Variants in DOCK7 observed in about 807,000 individuals in gnomAD.
DOCK7 encodes dedicator of cytokinesis 7.
A neutral mutation model predicts 271.0 loss-of-function variants in DOCK7; 138 were observed. The ratio of observed to expected loss-of-function variants is 0.51; its 90% CI spans 0.44 to 0.59. DOCK7 has a LOEUF of 0.59. Among genes scored for constraint, DOCK7 ranks in the 20% least tolerant of loss-of-function variants. The probability of loss-of-function intolerance (pLI) is 0.00; values close to 1 mark genes in which losing one functional copy is unlikely to be tolerated. For synonymous variants in DOCK7, 823 were observed against 876.1 expected (o/e 0.94, Z 1.07); for missense variants, 2,066 against 2,592.4 (o/e 0.80, Z 4.41).
In DOCK7 at chr1:62,648,447, C is replaced by T; in HGVS notation, c.487G>A (p.Ala163Thr). The T allele has an allele frequency of 6.5e-7, 1 of 1,549,902 alleles. No homozygotes were observed. Among genetic ancestry groups the T allele is most frequent in the Non-Finnish European group, 8.7e-7 (1 of 1,146,514 alleles). ...TCCTGGTAGCTGTTGCCATCTGGAG[C>T]TTCATCAGATTCAAAAACTTGTTTT... Reference protein sequence around the residue: ...LPKQVFESDEAPDGNSYQDDQ... With the variant: ...LPKQVFESDETPDGNSYQDDQ... Residue 163 changes from alanine to threonine, a missense_variant, in exon 5 of 50, where the codon GCT (alanine) becomes ACT (threonine). Around this residue, in one of 2 missense-constraint regions of DOCK7, gnomAD observed 1,414 missense variants for 1,670.4 expected, o/e 0.85. Transcript: ENST00000635253.
chr1:62,500,017 T>C (rs934153762), intron 37 of DOCK7, among the ~76,000 whole-genome samples: 1 of 151,600 alleles, frequency 6.6e-6, no homozygotes, highest in Non-Finnish European at 1.5e-5. Context: ...TTAGGCAAGA[T>C]GTGCCTGCAA....
intron 22 of DOCK7, among the ~76,000 whole-genome samples, chr1:62,546,661 C>T (rs1400225961): frequency 1.3e-5 from 2 of 151,902 alleles, no homozygotes; most frequent in Non-Finnish European, 2.9e-5. Flanking sequence ...TAAAAATTTC[C>T]CATACATATT....
chr1:62,665,560 C>T (rs965184399), intron 1 of DOCK7, among the ~76,000 whole-genome samples: 1 of 151,502 alleles, frequency 6.6e-6, no homozygotes, highest in East Asian at 2.0e-4. Context: ...AAAAATTAGC[C>T]AGGCGTGGTG....
At chr1:62,602,427 T>A (rs755058197) in intron 14 of DOCK7, 1 of 1,538,372 alleles carries the variant, frequency 6.5e-7, no homozygotes. Context: ...AATCTACAAA[T>A]ATTTACTGAG....
chr1:62,611,730 G>GA (rs1279416249), intron 14 of DOCK7, among the ~76,000 whole-genome samples: 8 of 150,666 alleles, frequency 5.3e-5, no homozygotes. Flanking sequence ...AATATTTTAG[G>GA]AAAAAAAATT....
intron 14 of DOCK7, among the ~76,000 whole-genome samples, chr1:62,614,367 T>C (rs1369678157): frequency 6.6e-6 from 1 of 152,036 alleles, no homozygotes; most frequent in Non-Finnish European, 1.5e-5. Context: ...TTCCTAAACA[T>C]ATAAGCTGTC....
At chr1:62,459,492 C>T (rs1335703764) in intron 48 of DOCK7, among the ~76,000 whole-genome samples, 1 of 151,986 alleles carries the variant, frequency 6.6e-6, no homozygotes, top group Non-Finnish European at 1.5e-5. Flanking sequence ...CTGCCTACCT[C>T]AGCCATCGAA....
intron 1 of DOCK7, among the ~76,000 whole-genome samples, chr1:62,681,475 GTATACA>G (rs1416013693): frequency 3.3e-5 from 5 of 150,296 alleles, no homozygotes; most frequent in African/African-American, 1.2e-4. Context: ...CATGGCGCAT[GTATACA>G]TATGTAACAA....
chr1:62,552,396 T>C (rs1335869923), intron 22 of DOCK7, among the ~76,000 whole-genome samples: 2 of 152,154 alleles, frequency 1.3e-5, no homozygotes, highest in Non-Finnish European at 2.9e-5. Flanking sequence ...AATGATGACA[T>C]CTCTCTTCTA....
At chr1:62,625,575 T>C (rs1214572890) in intron 11 of DOCK7, among the ~76,000 whole-genome samples, 174 bp from the exon 12 acceptor site, 2 of 152,214 alleles carry the variant, frequency 1.3e-5, no homozygotes, top group Non-Finnish European at 2.9e-5. Flanking sequence ...CTAAATCTTC[T>C]GGTTGTCTTT....
chr1:62,584,983 C>A, intron 15 of DOCK7: 1 of 540,294 alleles, frequency 1.9e-6, no homozygotes, highest in Non-Finnish European at 3.4e-6. Context: ...TGCTCAAATT[C>A]ATATGGCAAC....
chr1:62,682,443 T>C (rs191115602), intron 1 of DOCK7, among the ~76,000 whole-genome samples: 1 of 152,204 alleles, frequency 6.6e-6, no homozygotes, highest in East Asian at 1.9e-4. Flanking sequence ...GGGATCTGTG[T>C]GAAGCACTGG....
chr1:62,492,622 T>A (rs1211974743), intron 41 of DOCK7, 82 bp downstream of exon 41: 1 of 1,556,442 alleles, frequency 6.4e-7, no homozygotes, highest in African/African-American at 1.4e-5. Flanking sequence ...AGTAGGGTCA[T>A]AAGCCAGAGA....
At chr1:62,567,388 T>C (rs564216402) in intron 18 of DOCK7, among the ~76,000 whole-genome samples, 1 of 152,294 alleles carries the variant, frequency 6.6e-6, no homozygotes, top group South Asian at 2.1e-4. Flanking sequence ...TGAGTTCATG[T>C]CCTTTGCAGG....
chr1:62,650,296 T>C (rs1243625566), intron 4 of DOCK7, among the ~76,000 whole-genome samples: 1 of 152,154 alleles, frequency 6.6e-6, no homozygotes, highest in Non-Finnish European at 1.5e-5. Flanking sequence ...TTCACTGCTG[T>C]ATCATCAGTC....
At chr1:62,656,866 A>C (rs1378281630) in intron 2 of DOCK7, among the ~76,000 whole-genome samples, 1 of 152,154 alleles carries the variant, frequency 6.6e-6, no homozygotes, top group Non-Finnish European at 1.5e-5. Context: ...GACAAAACAA[A>C]AAACATTTAG....
chr1:62,619,921 G>T lies in DOCK7; in HGVS notation c.1498C>A (p.Arg500=). 6.2e-7 allele frequency: 1 copy of T among 1,612,618 alleles called. No individual in the cohort carries two copies. The highest frequency in any genetic ancestry group is 1.1e-5 in the South Asian group (1 of 90,928). The change falls in exon 13 of 50, where the codon CGG becomes AGG. Residue 500 remains arginine (R), a synonymous_variant. Transcript: ENST00000635253. ...ADMRRPSSVL[R]RLRPITAQLK... ...ATACCTGTAATAGGTCTTAGTCGCC[G>T]TAAGACAGAAGATGGCCTTCTCATA...
chr1:62,487,893 A>AAG (rs1646343748), intron 42 of DOCK7: 2 of 152,876 alleles, frequency 1.3e-5, no homozygotes, highest in Non-Finnish European at 2.9e-5. Flanking sequence ...GTATATATAC[A>AAG]ACTGATTATT....
In DOCK7 at chr1:62,581,731, G is replaced by A. The variant is rs960126662; in HGVS notation, c.1871+1453C>T. Among the ~76,000 whole-genome samples, 4 of 151,838 alleles carry A rather than the reference G, an allele frequency of 2.6e-5. No individual in the cohort carries two copies. In the East Asian group the frequency reaches 5.8e-4, roughly 22 times the overall value. On this transcript the variant is annotated intron_variant, in intron 16 of 49. Coordinates refer to ENST00000635253, the MANE Select transcript of DOCK7 (RefSeq NM_001367561.1). ...TTTGTGTGGAATGCCTTACACTTACGGGAAAAAGAATACTACAGAAAAAAA... is the reference window on the plus strand; with the variant it reads ...TTTGTGTGGAATGCCTTACACTTACAGGAAAAAGAATACTACAGAAAAAAA...
Sources: allele counts gnomAD v4.1 joint callset (sites outside exome capture counted in the v4.1 genomes callset), GRCh38; gene constraint gnomAD v4.1.1; regional missense constraint gnomAD v4.1.1; transcripts MANE v1.5; gene names NCBI Gene and HGNC (gene_info 2026-07-23, HGNC 2026-07-21).